The following EXOC2 variants were observed in gnomAD, a reference collection of about 807,000 sequenced individuals.
EXOC2 encodes the protein SEC5-like 1.
EXOC2 carries 70 observed loss-of-function variants against 131.8 expected under a neutral mutation model. The ratio of observed to expected loss-of-function variants is 0.53; its 90% CI spans 0.44 to 0.65. EXOC2 has a LOEUF of 0.65. Ranked by LOEUF, EXOC2 falls within the 30% of genes least tolerant of loss-of-function variation. The pLI is 0.00. For missense variants in EXOC2, 923 were observed against 1,108.6 expected, an observed-to-expected ratio of 0.83 and a Z score of 2.38; for synonymous variants, 411 against 398.4, an observed-to-expected ratio of 1.03 and a Z score of -0.38.
At chr6:663,562 A>G (rs938009544) in intron 1 of EXOC2, among the ~76,000 whole-genome samples, 1 of 152,260 alleles carries the variant, frequency 6.6e-6, no homozygotes, top group Non-Finnish European at 1.5e-5. Context: ...AACTGAATCC[A>G]GCGACATATC....
chr6:515,817 C>T (rs181331837), intron 23 of EXOC2, among the ~76,000 whole-genome samples: 2 of 152,318 alleles, frequency 1.3e-5, no homozygotes, highest in Non-Finnish European at 2.9e-5. Context: ...GAGAGACGCA[C>T]ACAGCTGGTG....
At chr6:499,026 C>T (rs1264967865) in intron 24 of EXOC2, among the ~76,000 whole-genome samples, 1 of 152,168 alleles carries the variant, frequency 6.6e-6, no homozygotes, top group East Asian at 1.9e-4. Flanking sequence ...CAGAAGAGTC[C>T]TCCTAACCAG....
intron 22 of EXOC2, among the ~76,000 whole-genome samples, chr6:541,648 T>C (rs747119295): frequency 8.5e-5 from 13 of 152,184 alleles, no homozygotes; most frequent in Admixed American, 4.6e-4. Flanking sequence ...GTAATAAAAC[T>C]GTTATAAAAC....
intron 6 of EXOC2, among the ~76,000 whole-genome samples, chr6:611,482 A>G (rs1760711503): frequency 6.6e-6 from 1 of 152,202 alleles, no homozygotes; most frequent in Non-Finnish European, 1.5e-5. Context: ...GACAAAACCC[A>G]TCACTGATGA....
intron 26 of EXOC2, 29 bp from the exon 27 acceptor site, chr6:489,067 G>T (rs562480428): frequency 6.2e-7 from 1 of 1,612,536 alleles, no homozygotes; most frequent in South Asian, 1.1e-5. Context: ...CACTGAAGTT[G>T]AAGCCTTGCA....
At chr6:542,380 A>T (rs1486416152) in intron 22 of EXOC2, among the ~76,000 whole-genome samples, 2 of 152,260 alleles carry the variant, frequency 1.3e-5, no homozygotes, top group African/African-American at 4.8e-5. Context: ...TCTAGTGCCG[A>T]GAACAAGGCA....
rs765215769 is a variant in EXOC2 at position 656,606 on chromosome 6, C to A, written c.-43-18745G>T. ...GGGACGAGACCAGCTCCACCGCCAC[C>A]GTGAGGGAGGGGCGGCGCTTGTGGG... On this transcript the variant is annotated intron_variant, in intron 1 of 27. Transcript: ENST00000230449. The A allele has an allele frequency of 9.4e-6, 15 of 1,597,772 alleles. No individual in the cohort carries two copies. In the South Asian group the frequency reaches 1.7e-4, roughly 18 times the overall value.
At position 506,901 on chromosome 6, in the gene EXOC2, T is replaced by A. The variant is rs991158809; in HGVS notation, c.2381-7201A>T. Among the ~76,000 whole-genome samples the A allele has an allele frequency of 2.0e-5, 3 of 152,082 alleles. No individual in the cohort carries two copies. The East Asian group carries it at 5.8e-4, about 29-fold the overall frequency. On this transcript the variant is annotated intron_variant, in intron 23 of 27. Coordinates refer to ENST00000230449, the MANE Select transcript of EXOC2 (RefSeq NM_018303.6). This position sits in a 1 kb window ranked among gnomAD's most constrained non-coding sequence, Gnocchi z 4.4. ...TTCCTCTTTTAATCATATAGGAAGG[T>A]CACTTGATTTTGGAACAGGCAAACT...
intron 25 of EXOC2, among the ~76,000 whole-genome samples, chr6:494,748 T>C (rs1219308626): frequency 6.6e-6 from 1 of 152,208 alleles, no homozygotes; most frequent in East Asian, 1.9e-4. Flanking sequence ...GCTCCTGGGA[T>C]TCACTGTGCT....
intron 10 of EXOC2, 37 bp downstream of exon 10, chr6:597,984 T>C (rs1199940992): frequency 3.4e-6 from 5 of 1,478,836 alleles, no homozygotes; most frequent in Middle Eastern, 1.7e-4. Context: ...ACCAAACAGA[T>C]ACATGTGATT....
chr6:580,716 A>C (rs1192495475), intron 11 of EXOC2, among the ~76,000 whole-genome samples: 1 of 152,164 alleles, frequency 6.6e-6, no homozygotes, highest in Non-Finnish European at 1.5e-5. Context: ...ATCCTGTAAA[A>C]TATACCTGTA....
At chr6:603,676 T>C (rs1290399817) in intron 7 of EXOC2, among the ~76,000 whole-genome samples, 1 of 152,200 alleles carries the variant, frequency 6.6e-6, no homozygotes, top group Non-Finnish European at 1.5e-5. Context: ...AACGTCAGTT[T>C]CTTTTCCACA....
At chr6:532,673 T>C (rs867035153) in intron 22 of EXOC2, 63 bp from the exon 23 acceptor site, 8 of 1,336,786 alleles carry the variant, frequency 6.0e-6, no homozygotes, top group Middle Eastern at 2.0e-4. Flanking sequence ...AGTAAAATAA[T>C]GTTAACAATA....
intron 27 of EXOC2, 143 bp downstream of exon 27, chr6:488,836 A>G (rs1384186805): frequency 1.3e-6 from 1 of 766,176 alleles, no homozygotes; most frequent in Non-Finnish European, 2.1e-6. Flanking sequence ...AACGCTATTA[A>G]GTAGGTATAT....
At chr6:520,866 AAACCACCACCCACCG>A (rs1425949279) in intron 23 of EXOC2, among the ~76,000 whole-genome samples, 3 of 132,404 alleles carry the variant, frequency 2.3e-5, no homozygotes, top group African/African-American at 8.6e-5. Context: ...TCGTAGATGA[AAACCACCACCCACCG>A]AGCGCCAACA....
intron 17 of EXOC2, among the ~76,000 whole-genome samples, chr6:558,251 TC>T (rs1265039622): frequency 6.6e-6 from 1 of 152,228 alleles, no homozygotes; most frequent in African/African-American, 2.4e-5. Flanking sequence ...AGCTTTAATG[TC>T]ATGTTATTTC....
At chr6:587,727 C>T (rs901966470) in intron 11 of EXOC2, among the ~76,000 whole-genome samples, 4 of 152,212 alleles carry the variant, frequency 2.6e-5, no homozygotes, top group Admixed American at 2.0e-4. Flanking sequence ...TTACCATTTG[C>T]CTGTGCACTG....
intron 23 of EXOC2, among the ~76,000 whole-genome samples, chr6:507,783 A>C (rs900930846): frequency 3.3e-5 from 5 of 152,224 alleles, no homozygotes; most frequent in African/African-American, 1.2e-4. Context: ...TAAAATAAAA[A>C]GTGTTCTACA....
chr6:491,675 A>C (rs974780779), intron 25 of EXOC2, among the ~76,000 whole-genome samples: 10 of 152,192 alleles, frequency 6.6e-5, no homozygotes, highest in Non-Finnish European at 2.9e-5. Flanking sequence ...TGCAATCTCT[A>C]TTAAAATCAC....
Sources: allele counts gnomAD v4.1 joint callset (sites outside exome capture counted in the v4.1 genomes callset), GRCh38; gene constraint gnomAD v4.1.1; non-coding constraint Gnocchi (gnomAD v3.1); transcripts MANE v1.5; gene names NCBI Gene and HGNC (gene_info 2026-07-23, HGNC 2026-07-21).